Variants in POLA1 observed in about 807,000 individuals in gnomAD.
The protein encoded by POLA1 is DNA polymerase alpha 1, catalytic subunit.
A neutral mutation model predicts 124.0 loss-of-function variants in POLA1; 15 were observed. The observed-to-expected ratio is 0.12, with a 90% confidence interval of 0.08 to 0.19. POLA1 has a LOEUF of 0.19. Among genes scored for constraint, POLA1 ranks in the 10% least tolerant of loss-of-function variants. POLA1 has a pLI of 1.00. For synonymous variants in POLA1, 408 were observed against 389.4 expected (o/e 1.05, Z -0.56); for missense variants, 886 against 1,103.4 (o/e 0.80, Z 2.79).
At chrX:24,949,095 TG>T (rs987302007) in intron 36 of POLA1, among the ~76,000 whole-genome samples, 2 of 111,872 alleles carry the variant, frequency 1.8e-5, no homozygotes, top group African/African-American at 3.3e-5. Flanking sequence ...AGCAGTAAAT[TG>T]TGTGCATTTA....
Position 24,707,517 on chromosome X carries a change from T to A in POLA1, c.346+3048T>A, listed in dbSNP as rs1460220125. ...TTTATTTCGTGCTTTGCCACCACCA[T>A]TCACCCACAAGTCCCCACTGTTTTA... On this transcript the variant is annotated intron_variant, in intron 4 of 36. Coordinates refer to ENST00000379068, the MANE Select transcript of POLA1 (RefSeq NM_001330360.2). 3.6e-5 allele frequency among the ~76,000 whole-genome samples: 4 copies of A among 112,213 alleles called. No individual in the cohort carries two copies. The East Asian group carries it at 8.4e-4, about 23-fold the overall frequency.
intron 36 of POLA1, among the ~76,000 whole-genome samples, chrX:24,949,894 C>G (rs1426269270): frequency 9.1e-6 from 1 of 109,391 alleles, no homozygotes; most frequent in Non-Finnish European, 1.9e-5. Flanking sequence ...GCCACCACAC[C>G]CAGCTAATTT....
chrX:24,890,337 C>T (rs933970954), intron 35 of POLA1, among the ~76,000 whole-genome samples: 41 of 111,065 alleles, frequency 3.7e-4, no homozygotes, highest in African/African-American at 1.1e-3. Flanking sequence ...CCACCTGTCT[C>T]GGCCTCCCAA....
intron 34 of POLA1, among the ~76,000 whole-genome samples, chrX:24,865,910 C>G (rs2046788837): frequency 9.0e-6 from 1 of 111,275 alleles, no homozygotes; most frequent in South Asian, 3.8e-4. Flanking sequence ...GATTGCCAAC[C>G]TAAGAATGAA....
At chrX:24,895,530 T>C (rs2047195877) in intron 35 of POLA1, among the ~76,000 whole-genome samples, 1 of 112,560 alleles carries the variant, frequency 8.9e-6, no homozygotes, top group Non-Finnish European at 1.9e-5. Context: ...TTTCGTGGGC[T>C]AGAAATTAGT....
At chrX:24,723,723 C>G (rs1254635667) in intron 11 of POLA1, among the ~76,000 whole-genome samples, 1 of 112,357 alleles carries the variant, frequency 8.9e-6, no homozygotes, top group African/African-American at 3.2e-5. Flanking sequence ...CCCTGTTGCC[C>G]AGGCTGGAGT....
chrX:24,727,801 C>T lies in POLA1; in HGVS notation c.1551C>T (p.Val517=). 8.3e-7 allele frequency: 1 copy of T among 1,206,518 alleles called. No homozygotes were observed. Among genetic ancestry groups the T allele is most frequent in the Non-Finnish European group, 1.1e-6 (1 of 891,287 alleles). The change falls in exon 15 of 37, where the codon GTC becomes GTT. Residue 517 remains valine, a synonymous_variant. Transcript: ENST00000379068. ...TTTCAGAGCTCTTGAATCAGCCAGT[C>T]AGTTGGTGTAAAGTTGAGGCAATGG... ...VKSPQLLNQP[V]SWCKVEAMAL...
At chrX:24,894,002 G>C (rs1463888774) in intron 35 of POLA1, among the ~76,000 whole-genome samples, 1 of 111,317 alleles carries the variant, frequency 9.0e-6, no homozygotes, top group African/African-American at 3.3e-5. Flanking sequence ...CAATGCCCAT[G>C]TTATGAGAGC....
intron 35 of POLA1, among the ~76,000 whole-genome samples, chrX:24,922,657 A>C (rs778468158): frequency 1.5e-4 from 17 of 111,444 alleles, no homozygotes; most frequent in African/African-American, 5.5e-4. Flanking sequence ...ATCTAGCCCT[A>C]TCCATTCATA....
intron 35 of POLA1, among the ~76,000 whole-genome samples, chrX:24,920,900 A>G (rs1373648152): frequency 8.9e-6 from 1 of 112,353 alleles, no homozygotes; most frequent in Non-Finnish European, 1.9e-5. Flanking sequence ...ATCTTGCTCA[A>G]TCCTAGACCA....
At chrX:24,827,925 C>A (rs1043545738) in intron 32 of POLA1, among the ~76,000 whole-genome samples, 4 of 111,931 alleles carry the variant, frequency 3.6e-5, no homozygotes, top group African/African-American at 1.3e-4. Context: ...GCTTTTCCAT[C>A]GGTGAATTAT....
chrX:24,870,020 A>G (rs1203913850), intron 34 of POLA1, among the ~76,000 whole-genome samples: 2 of 112,335 alleles, frequency 1.8e-5, no homozygotes, highest in Non-Finnish European at 3.8e-5. Flanking sequence ...TCACTTTAAC[A>G]GTGACTTTAC....
chrX:24,809,882 CTT>C lies in POLA1; in HGVS notation c.2965-13_2965-12del, dbSNP rs1368078863. On this transcript the variant is annotated splice_polypyrimidine_tract_variant and intron_variant, in intron 26 of 36. Transcript: ENST00000379068. ...TAATTGTGTAACTTATTAATCTTGA[CTT>C]TTGTTTCATTTAGATTTTGATGCAT... 9.8e-7 allele frequency: 1 copy of C among 1,022,398 alleles called. No individual in the cohort carries two copies. The highest frequency in any genetic ancestry group is 1.4e-6 in the Non-Finnish European group (1 of 738,608). The allele number at this position is 1,022,398 out of a possible 1,213,427, so 84.3% of individuals were successfully genotyped here. A position where few individuals can be genotyped will look rare whatever the true frequency, so the allele number is the denominator to read the frequency against.
At chrX:24,935,534 C>A (rs1229395233) in intron 36 of POLA1, among the ~76,000 whole-genome samples, 1 of 113,149 alleles carries the variant, frequency 8.8e-6, no homozygotes, top group Non-Finnish European at 1.9e-5. Flanking sequence ...TTGAGTGCCC[C>A]AGCCTCCTGA....
chrX:24,786,978 G>A (rs1262181462), intron 26 of POLA1, among the ~76,000 whole-genome samples: 2 of 108,877 alleles, frequency 1.8e-5, no homozygotes, highest in African/African-American at 3.4e-5. Context: ...GTCTTGCTGT[G>A]TTGCCCAGGC....
At chrX:24,819,827 C>T (rs950609955) in intron 30 of POLA1, among the ~76,000 whole-genome samples, 2 of 110,816 alleles carry the variant, frequency 1.8e-5, no homozygotes, top group Non-Finnish European at 3.8e-5. Flanking sequence ...CCCCGGCAGA[C>T]CCCAGTGTGT....
chrX:24,974,520 G>C (rs772026354), intron 36 of POLA1, among the ~76,000 whole-genome samples: 1 of 111,311 alleles, frequency 9.0e-6, no homozygotes, highest in African/African-American at 3.3e-5. Flanking sequence ...GGATGAAGCT[G>C]GAAACCATCA....
At position 24,735,946 on chromosome X, in the gene POLA1, C is replaced by T. The variant is rs762406394; in HGVS notation, c.1923+458C>T. ...GGCTCGGAATTGATTTTTCTCTTGA[C>T]GATCCAGTATATCCCCACTAGATAG... On this transcript the variant is annotated intron_variant, in intron 18 of 36. Coordinates refer to ENST00000379068, the MANE Select transcript of POLA1 (RefSeq NM_001330360.2). Among the ~76,000 whole-genome samples the T allele has an allele frequency of 3.6e-5, 4 of 111,320 alleles. 1 individual carries two copies. In the East Asian group the frequency reaches 1.1e-3, roughly 31 times the overall value.
intron 36 of POLA1, among the ~76,000 whole-genome samples, chrX:24,943,357 A>G (rs1165046992): frequency 2.7e-5 from 3 of 112,532 alleles, no homozygotes; most frequent in Non-Finnish European, 5.6e-5. Flanking sequence ...AAAAAAATGT[A>G]AAAATGTTTT....
Sources: gnomAD v4.1 joint callset for allele counts (sites outside exome capture counted in the v4.1 genomes callset) on GRCh38, gnomAD v4.1.1 for gene constraint, MANE v1.5 for transcripts, NCBI Gene and HGNC (gene_info 2026-07-23, HGNC 2026-07-21) for gene names.